LRRC7: variants seen among roughly 807,000 people sequenced by gnomAD.
LRRC7 encodes leucine-rich repeat-containing protein 7.
In LRRC7, 23 loss-of-function variants were observed where a neutral mutation model predicts 175.7. The ratio of observed to expected loss-of-function variants is 0.13; its 90% CI spans 0.09 to 0.19. LRRC7 has a LOEUF of 0.19. Ranked by LOEUF, LRRC7 falls within the 10% of genes least tolerant of loss-of-function variation. LRRC7 has a pLI of 1.00. For missense variants in LRRC7, 1,354 were observed against 1,904.7 expected, an observed-to-expected ratio of 0.71 and a Z score of 5.38; for synonymous variants, 685 against 680.9, an observed-to-expected ratio of 1.01 and a Z score of -0.09.
At chr1:69,831,148 T>C (rs1401544133) in intron 5 of LRRC7, among the ~76,000 whole-genome samples, 5 of 151,952 alleles carry the variant, frequency 3.3e-5, no homozygotes, top group African/African-American at 4.8e-5. Flanking sequence ...AATAGAAAAT[T>C]AGTATTTTAA....
At chr1:69,893,082 A>G (rs567083120) in intron 7 of LRRC7, among the ~76,000 whole-genome samples, 56 of 152,256 alleles carry the variant, frequency 3.7e-4, no homozygotes, top group African/African-American at 1.3e-3. Flanking sequence ...ATCCAGGTAC[A>G]TTTTGGGTTC....
intron 4 of LRRC7, among the ~76,000 whole-genome samples, chr1:69,802,050 T>C (rs1342398597): frequency 6.6e-6 from 1 of 151,588 alleles, no homozygotes; most frequent in East Asian, 1.9e-4. Flanking sequence ...GGTATTGATT[T>C]CTAGTTTTAT....
At chr1:69,959,307 G>A (rs1030682150) in intron 8 of LRRC7, among the ~76,000 whole-genome samples, 1 of 152,038 alleles carries the variant, frequency 6.6e-6, no homozygotes, top group African/African-American at 2.4e-5. Context: ...TCATAACGAT[G>A]AACTGTTAAT....
intron 8 of LRRC7, among the ~76,000 whole-genome samples, chr1:69,964,771 C>T (rs1651495391): frequency 6.6e-6 from 1 of 152,152 alleles, no homozygotes; most frequent in African/African-American, 2.4e-5. Context: ...GAGAGGCAAG[C>T]CTAGCTCCAC....
intron 1 of LRRC7, among the ~76,000 whole-genome samples, chr1:69,644,879 G>C (rs1450235076): frequency 1.3e-5 from 2 of 151,834 alleles, no homozygotes; most frequent in African/African-American, 4.8e-5. Flanking sequence ...AAAACCTTGT[G>C]ACCATCAAAA....
chr1:69,770,618 A>G (rs1023463637), intron 3 of LRRC7, among the ~76,000 whole-genome samples: 1 of 152,176 alleles, frequency 6.6e-6, no homozygotes, highest in African/African-American at 2.4e-5. Flanking sequence ...GAGAATATGA[A>G]ATGTGTTGCT....
chr1:70,011,741 A>C (rs969337005), intron 11 of LRRC7, 56 bp from the exon 12 acceptor site: 2 of 1,311,214 alleles, frequency 1.5e-6, no homozygotes, highest in Admixed American at 1.9e-5. Flanking sequence ...TGGCTTTTTC[A>C]AAACATTTTG....
Position 69,892,161 on chromosome 1 carries a change from A to G in LRRC7, c.648-39346A>G, listed in dbSNP as rs535389298. ...AAAGTATCGTAAAAGGGGAGCAGTT[A>G]TATTTCAACTATTGGAAAGACGGCA... On this transcript the variant is annotated intron_variant, in intron 7 of 26. Transcript: ENST00000651989. Among the ~76,000 whole-genome samples, 6 of 152,340 alleles carry G rather than the reference A, an allele frequency of 3.9e-5. No individual in the cohort carries two copies. The East Asian group carries it at 1.2e-3, about 29-fold the overall frequency.
intron 8 of LRRC7, among the ~76,000 whole-genome samples, chr1:69,936,949 T>G (rs1648099726): frequency 6.6e-6 from 1 of 152,132 alleles, no homozygotes; most frequent in Non-Finnish European, 1.5e-5. Flanking sequence ...ATGTACCATG[T>G]TTTCTTTATC....
intron 2 of LRRC7, among the ~76,000 whole-genome samples, chr1:69,732,219 G>T (rs1394678154): frequency 6.6e-6 from 1 of 151,714 alleles, no homozygotes; most frequent in Non-Finnish European, 1.5e-5. Flanking sequence ...TCAAGAAAAA[G>T]CTAAATATTT....
At chr1:69,675,528 A>G (rs1659643767) in intron 1 of LRRC7, among the ~76,000 whole-genome samples, 1 of 152,194 alleles carries the variant, frequency 6.6e-6, no homozygotes, top group Non-Finnish European at 1.5e-5. Flanking sequence ...CTACAATTTT[A>G]TGTAGACATT....
intron 8 of LRRC7, among the ~76,000 whole-genome samples, chr1:69,951,888 C>T (rs1197206708): frequency 1.3e-5 from 2 of 151,874 alleles, no homozygotes. Flanking sequence ...ACCCTCATGA[C>T]ATGAATTTAC....
chr1:70,070,544 A>G (rs764550391), intron 23 of LRRC7, among the ~76,000 whole-genome samples: 1 of 152,114 alleles, frequency 6.6e-6, no homozygotes, highest in Admixed American at 6.6e-5. Context: ...TTATGTTATA[A>G]AACTCTGTAT....
intron 1 of LRRC7, among the ~76,000 whole-genome samples, chr1:69,620,347 G>T (rs1281434913): frequency 6.6e-6 from 1 of 151,846 alleles, no homozygotes; most frequent in Non-Finnish European, 1.5e-5. Flanking sequence ...AGCTCCTTGG[G>T]CTCCTTGGAT....
intron 3 of LRRC7, among the ~76,000 whole-genome samples, chr1:69,774,381 A>T (rs1050563730): frequency 3.9e-5 from 6 of 152,234 alleles, no homozygotes; most frequent in Admixed American, 1.3e-4. Context: ...AACAAGCTAA[A>T]AAATGAAGCA....
At chr1:69,975,858 A>G (rs7555716) in intron 8 of LRRC7, among the ~76,000 whole-genome samples, 17 of 149,746 alleles carry the variant, frequency 1.1e-4, no homozygotes, top group African/African-American at 3.2e-4. Context: ...TGTGCTGTCA[A>G]TCTCCTCTTC....
intron 8 of LRRC7, among the ~76,000 whole-genome samples, chr1:69,975,793 C>T (rs999094357): frequency 6.6e-5 from 10 of 152,212 alleles, no homozygotes; most frequent in African/African-American, 2.4e-4. Flanking sequence ...GCAGTCTTCC[C>T]TCCAGTCTGA....
At chr1:69,775,786 T>C (rs1169599296) in intron 3 of LRRC7, among the ~76,000 whole-genome samples, 2 of 152,162 alleles carry the variant, frequency 1.3e-5, no homozygotes, top group East Asian at 3.9e-4. Flanking sequence ...ATTGTGAAGA[T>C]TAAAAATCAT....
chr1:70,075,393 C>G (rs775103207), intron 23 of LRRC7, among the ~76,000 whole-genome samples: 2 of 152,188 alleles, frequency 1.3e-5, no homozygotes, highest in African/African-American at 4.8e-5. Context: ...CATACCCTCT[C>G]TCCTCCACCT....
Sources: allele counts gnomAD v4.1 joint callset (sites outside exome capture counted in the v4.1 genomes callset), GRCh38; gene constraint gnomAD v4.1.1; transcripts MANE v1.5; gene names NCBI Gene and HGNC (gene_info 2026-07-23, HGNC 2026-07-21).